Variants in CATSPERD observed in about 807,000 individuals in gnomAD.
The protein encoded by CATSPERD is catsper channel auxiliary subunit delta.
CATSPERD carries 86 observed loss-of-function variants against 98.1 expected under a neutral mutation model. That is an observed-to-expected ratio of 0.88 (90% CI 0.74 to 1.05). The LOEUF is 1.05. CATSPERD is among the 50% of genes least tolerant of loss of function. The pLI is 0.00. For synonymous variants in CATSPERD, 394 were observed against 390.2 expected, an observed-to-expected ratio of 1.01 and a Z score of -0.12; for missense variants, 995 against 1,005.7, an observed-to-expected ratio of 0.99 and a Z score of 0.14.
chr19:5,733,796 T>G, intron 4 of CATSPERD, 60 bp from the exon 5 acceptor site: 1 of 1,200,532 alleles, frequency 8.3e-7, no homozygotes, highest in Non-Finnish European at 1.2e-6. Flanking sequence ...GAAGTCTGCG[T>G]TTCTGAATCA....
intron 13 of CATSPERD, among the ~76,000 whole-genome samples, chr19:5,755,958 G>C (rs982016616): frequency 6.6e-6 from 1 of 151,890 alleles, no homozygotes; most frequent in African/African-American, 2.4e-5. Context: ...TCCAGCCTGG[G>C]TAACAGAGTA....
intron 7 of CATSPERD, among the ~76,000 whole-genome samples, chr19:5,740,205 C>T (rs1453782834): frequency 6.6e-5 from 10 of 151,354 alleles, no homozygotes; most frequent in East Asian, 3.9e-4. Context: ...CGCTTGAACC[C>T]GGGAGGCAGA....
At chr19:5,748,332 A>C (rs1480409738) in intron 10 of CATSPERD, 77 bp downstream of exon 10, 1 of 1,376,548 alleles carries the variant, frequency 7.3e-7, no homozygotes, top group Non-Finnish European at 1.0e-6. Context: ...GACCCAACCC[A>C]GCCAAAACAC....
At chr19:5,757,781 G>T in intron 13 of CATSPERD, 62 bp from the exon 14 acceptor site, 1 of 1,318,168 alleles carries the variant, frequency 7.6e-7, no homozygotes, top group South Asian at 1.2e-5. Flanking sequence ...CACTGTGGGG[G>T]TTTGTCACCC....
intron 19 of CATSPERD, 31 bp downstream of exon 19, chr19:5,771,103 G>T (rs1378290151): frequency 2.5e-6 from 4 of 1,602,966 alleles, no homozygotes; most frequent in Non-Finnish European, 3.4e-6. Flanking sequence ...TGCAGGGTGG[G>T]GACGGTGGCA....
chr19:5,767,253 C>T lies in CATSPERD; in HGVS notation c.1560-915C>T, dbSNP rs192956661. On this transcript the variant is annotated intron_variant, in intron 17 of 21. Coordinates refer to ENST00000381624, the MANE Select transcript of CATSPERD (RefSeq NM_152784.4). ...AATGGCGTGAACCCAGGAGGCGGAA[C>T]TTGAAGTGAGCCGAGATCGTGCCAC... 4.3e-3 allele frequency among the ~76,000 whole-genome samples: 546 copies of T among 127,904 alleles called. 2 individuals are homozygous for T. Among genetic ancestry groups the T allele is most frequent in the Admixed American group, 6.8e-3 (75 of 11,110 alleles). The allele number at this position is 127,904 out of a possible 152,430, so 83.9% of individuals were successfully genotyped here.
At chr19:5,734,133 G>A (rs937152766) in intron 5 of CATSPERD, among the ~76,000 whole-genome samples, 163 bp downstream of exon 5, 4 of 152,150 alleles carry the variant, frequency 2.6e-5, no homozygotes, top group Admixed American at 6.6e-5. Context: ...GTCCCCATCC[G>A]TAGACTGGGA....
chr19:5,755,045 T>C (rs1007080089), intron 13 of CATSPERD, among the ~76,000 whole-genome samples: 4 of 151,798 alleles, frequency 2.6e-5, no homozygotes, highest in Admixed American at 1.3e-4. Flanking sequence ...GGTTTTGCCA[T>C]GTTGGTCAGA....
intron 13 of CATSPERD, among the ~76,000 whole-genome samples, chr19:5,754,878 T>C (rs1442056498): frequency 1.3e-5 from 2 of 149,398 alleles, no homozygotes; most frequent in South Asian, 2.1e-4. Context: ...AGAGTTTTGC[T>C]CTGTCGCCCA....
At chr19:5,745,789 T>A in intron 8 of CATSPERD, 124 bp from the exon 9 acceptor site, 1 of 829,932 alleles carries the variant, frequency 1.2e-6, no homozygotes. Flanking sequence ...GGCAGACTTG[T>A]GGCTTCTTTG....
chr19:5,769,010 C>T (rs1410339615), intron 18 of CATSPERD, among the ~76,000 whole-genome samples: 1 of 151,790 alleles, frequency 6.6e-6, no homozygotes, highest in Admixed American at 6.6e-5. Context: ...GAAAATTAGC[C>T]AGGCATGGTG....
At chr19:5,775,738 G>A (rs2056730973) in intron 20 of CATSPERD, among the ~76,000 whole-genome samples, 1 of 151,862 alleles carries the variant, frequency 6.6e-6, no homozygotes, top group South Asian at 2.1e-4. Flanking sequence ...TTGATTACAG[G>A]TTCATATTAT....
chr19:5,757,778 G>T (rs1361283187), intron 13 of CATSPERD, 65 bp from the exon 14 acceptor site: 10 of 1,247,802 alleles, frequency 8.0e-6, no homozygotes, highest in Non-Finnish European at 1.2e-5. Flanking sequence ...GCTCACTGTG[G>T]GGGTTTGTCA....
chr19:5,762,041 C>CATATATATAT lies in CATSPERD; in HGVS notation c.1428-1165_1428-1156dup, dbSNP rs71172765. Among the ~76,000 whole-genome samples, 123 of 23,228 alleles carry CATATATATAT rather than the reference C, an allele frequency of 5.3e-3. 16 individuals are homozygous for CATATATATAT. The highest frequency in any genetic ancestry group is 6.7e-3 in the African/African-American group (53 of 7,856). The allele number at this position is 23,228 out of a possible 152,430, so 15.2% of individuals were successfully genotyped here. A position where few individuals can be genotyped will look rare whatever the true frequency, so the allele number is the denominator to read the frequency against. On this transcript the variant is annotated intron_variant, in intron 15 of 21. Transcript: ENST00000381624. ...GTGAGAGCCACTGCGCCTGGCCTGC[C>CATATATATAT]ATATATATATATATATATTTTTTTT... is the stretch of plus-strand genomic sequence containing the variant.
chr19:5,766,119 T>C lies in CATSPERD; in HGVS notation c.1523T>C (p.Val508Ala), dbSNP rs1408828863. 11 of 1,613,200 alleles carry C rather than the reference T, an allele frequency of 6.8e-6. No homozygotes were observed. The highest frequency in any genetic ancestry group is 1.3e-5 in the African/African-American group (1 of 74,956). Reference protein sequence around the residue: ...DIKPLSTLISVGCDLDKKIVI... With the variant: ...DIKPLSTLISAGCDLDKKIVI... ...CCTCTGCAGTCGACACTGATTTCAGTTGGCTGCGACCTGGATAAAAAGATC... is the reference window on the plus strand; with the variant it reads ...CCTCTGCAGTCGACACTGATTTCAGCTGGCTGCGACCTGGATAAAAAGATC... The change falls in exon 17 of 22, where the codon GTT becomes GCT. Residue 508 changes from valine to alanine, a missense_variant. Val to Ala is a moderately conservative substitution (Grantham distance 64). Around this residue, in one of 3 missense-constraint regions of CATSPERD, gnomAD observed 762 missense variants for 773.7 expected, o/e 0.98. Transcript: ENST00000381624.
rs565533940 is a variant in CATSPERD, at chr19:5,722,734, C to G, written c.71+1926C>G. Reference sequence around the variant, plus strand: ...AGCAAACGGTGGTTTATCAAGACCCCCCCCCCCGCAACCCCGGTGATTCTG... The same window carrying G: ...AGCAAACGGTGGTTTATCAAGACCCGCCCCCCCGCAACCCCGGTGATTCTG... On this transcript the variant is annotated intron_variant, in intron 1 of 21. Coordinates refer to ENST00000381624, the MANE Select transcript of CATSPERD (RefSeq NM_152784.4). 4.7e-3 allele frequency among the ~76,000 whole-genome samples: 707 copies of G among 151,690 alleles called. 3 individuals carry two copies. Among genetic ancestry groups the G allele is most frequent in the Non-Finnish European group, 6.9e-3 (467 of 67,856 alleles).
chr19:5,758,650 G>A (rs2145813288), intron 14 of CATSPERD, among the ~76,000 whole-genome samples: 1 of 151,840 alleles, frequency 6.6e-6, no homozygotes, highest in Non-Finnish European at 1.5e-5. Context: ...GGCTGAGGCA[G>A]GAGAATGGCG....
chr19:5,721,593 T>C (rs1261695955), intron 1 of CATSPERD, among the ~76,000 whole-genome samples: 1 of 152,230 alleles, frequency 6.6e-6, no homozygotes, highest in Non-Finnish European at 1.5e-5. Context: ...CTGTGAGCTG[T>C]ATTCTTAGGG....
intron 7 of CATSPERD, among the ~76,000 whole-genome samples, chr19:5,742,281 T>C (rs1568350913): frequency 1.6e-5 from 2 of 125,588 alleles, no homozygotes; most frequent in Non-Finnish European, 3.5e-5. Context: ...TGTGTGTACG[T>C]GTGTGTGCGT....
Sources: gnomAD v4.1 joint callset for allele counts (sites outside exome capture counted in the v4.1 genomes callset) on GRCh38, gnomAD v4.1.1 for gene constraint, gnomAD v4.1.1 regional missense constraint, MANE v1.5 for transcripts, NCBI Gene and HGNC (gene_info 2026-07-23, HGNC 2026-07-21) for gene names.